ZBTB11: variants seen among roughly 807,000 people sequenced by gnomAD.
ZBTB11 encodes zinc finger and BTB domain containing 11.
Under a neutral mutation model 113.1 loss-of-function variants are expected in ZBTB11, and 68 were observed. The observed-to-expected ratio is 0.60, with a 90% CI of 0.49 to 0.74. The LOEUF (loss-of-function observed/expected upper bound fraction) is 0.74, where lower values mean the gene tolerates loss of function less well. Among genes scored for constraint, ZBTB11 ranks in the 30% least tolerant of loss-of-function variants. The pLI is 0.00. For missense variants in ZBTB11, 1,104 were observed against 1,279.4 expected (o/e 0.86, Z 2.09); for synonymous variants, 518 against 452.6 (o/e 1.14, Z -1.83).
rs55773602 is a variant in ZBTB11, at chr3:101,661,818, T to C, written c.1801-1790A>G. Among the ~76,000 whole-genome samples, 642 of 152,296 alleles carry C rather than the reference T, an allele frequency of 4.2e-3. 7 individuals carry two copies. The highest frequency in any genetic ancestry group is 0.015 in the African/African-American group (616 of 41,560). On this transcript the variant is annotated intron_variant, in intron 5 of 10. Transcript: ENST00000312938. ...TTAAGTTCTGAAATTTTTCTTTATATTGTTTTCCATGTTCTGTTTGAAAAT... is the reference window on the plus strand; with the variant it reads ...TTAAGTTCTGAAATTTTTCTTTATACTGTTTTCCATGTTCTGTTTGAAAAT...
At chr3:101,673,006 G>T (rs1222860530) in intron 1 of ZBTB11, among the ~76,000 whole-genome samples, 1 of 152,140 alleles carries the variant, frequency 6.6e-6, no homozygotes, top group Non-Finnish European at 1.5e-5. Flanking sequence ...AACTTGTAAT[G>T]AAAGTTTAAA....
chr3:101,663,767 G>C (rs1271110174), intron 5 of ZBTB11, among the ~76,000 whole-genome samples: 2 of 152,134 alleles, frequency 1.3e-5, no homozygotes, highest in African/African-American at 4.8e-5. Context: ...GCTCGTGCCT[G>C]TAGTCCCAGC....
At chr3:101,676,530 G>C in intron 1 of ZBTB11, 75 bp downstream of exon 1, 5 of 1,387,366 alleles carry the variant, frequency 3.6e-6, no homozygotes, top group Non-Finnish European at 4.7e-6. Context: ...TCGTGGGTAC[G>C]CATAGGCCTC....
At chr3:101,659,082 TA>T (rs1222271332) in intron 6 of ZBTB11, among the ~76,000 whole-genome samples, 1 of 151,902 alleles carries the variant, frequency 6.6e-6, no homozygotes, top group Non-Finnish European at 1.5e-5. Context: ...CCACAAAATT[TA>T]AAAAAATTAG....
At chr3:101,653,169 C>G (rs1411470036) in intron 8 of ZBTB11, among the ~76,000 whole-genome samples, 1 of 152,160 alleles carries the variant, frequency 6.6e-6, no homozygotes, top group African/African-American at 2.4e-5. Context: ...AAGGTTATTA[C>G]AGAGGAAATT....
chr3:101,671,036 C>T (rs371327871), intron 3 of ZBTB11, 94 bp downstream of exon 3: 3 of 1,041,850 alleles, frequency 2.9e-6, no homozygotes, highest in East Asian at 5.1e-5. Context: ...GCTTCTCTTA[C>T]TTTGGCATAA....
chr3:101,652,417 G>A (rs116753837), intron 10 of ZBTB11, 79 bp downstream of exon 10: 1 of 1,394,906 alleles, frequency 7.2e-7, no homozygotes, highest in Non-Finnish European at 9.8e-7. Context: ...CAAGGAAGGT[G>A]AAAGAGCTGG....
chr3:101,660,524 C>T (rs972840530), intron 5 of ZBTB11, among the ~76,000 whole-genome samples: 3 of 152,164 alleles, frequency 2.0e-5, no homozygotes, highest in African/African-American at 7.2e-5. Flanking sequence ...GTCTCCTGGC[C>T]AACCATCTCC....
chr3:101,663,651 G>A (rs1936930288), intron 5 of ZBTB11, among the ~76,000 whole-genome samples: 1 of 152,162 alleles, frequency 6.6e-6, no homozygotes, highest in African/African-American at 2.4e-5. Context: ...ATACCTTGGG[G>A]AGGCAGAGAC....
chr3:101,651,083 G>T lies in ZBTB11; in HGVS notation c.*83C>A, dbSNP rs1010579989. ...AACTTTGATATGTAAACTCCAAGCA[G>T]ACAGTCACACAGAATTGTAAACAAA... On this transcript the variant is annotated 3_prime_UTR_variant, in exon 11 of 11. Coordinates refer to ENST00000312938, the MANE Select transcript of ZBTB11 (RefSeq NM_014415.4). 3.9e-5 allele frequency: 56 copies of T among 1,440,620 alleles called. No individual in the cohort carries two copies. The highest frequency in any genetic ancestry group is 4.9e-5 in the Non-Finnish European group (53 of 1,085,700). 89.2% of individuals were successfully genotyped at this position (1,440,620 alleles called of 1,614,324 possible). A position where few individuals can be genotyped will look rare whatever the true frequency, so the allele number is the denominator to read the frequency against.
Position 101,671,184 on chromosome 3 carries a change from G to C in ZBTB11, c.724C>G (p.Leu242Val). The C allele has an allele frequency of 6.2e-7, 1 of 1,614,148 alleles. No individual in the cohort carries two copies. Residue 242 changes from leucine (L) to valine (V), a missense_variant, in exon 3 of 11, where the codon CTT (leucine) becomes GTT (valine). This residue lies in a region of ZBTB11 where 86 missense variants were observed against 131.0 expected (regional missense o/e 0.66). Coordinates refer to ENST00000312938, the MANE Select transcript of ZBTB11 (RefSeq NM_014415.4). ...LSANSEYFRD[L>V]FIEKGAVSSH... Reference sequence around the variant, plus strand: ...GAAACAGCTCCTTTCTCAATAAAAAGATCTCGAAAATACTCGCTATTTGCT... The same window carrying C: ...GAAACAGCTCCTTTCTCAATAAAAACATCTCGAAAATACTCGCTATTTGCT...
In ZBTB11 at chr3:101,665,724, A is replaced by G. The variant is rs771079304; in HGVS notation, c.863T>C (p.Val288Ala). 1 of 1,614,220 alleles carries G rather than the reference A, an allele frequency of 6.2e-7. No individual in the cohort carries two copies. The highest frequency in any genetic ancestry group is 8.5e-7 in the Non-Finnish European group (1 of 1,180,040). Residue 288 changes from valine (V) to alanine (A), a missense_variant, in exon 4 of 11, where the codon GTA becomes GCA. This residue lies in a region of ZBTB11 where 86 missense variants were observed against 131.0 expected (regional missense o/e 0.66). Transcript: ENST00000312938. ...GAAAAGATGACGAGCTAAGATGGCTACATCAGCCATGCTACAGAAATCAAA... is the reference window on the plus strand; with the variant it reads ...GAAAAGATGACGAGCTAAGATGGCTGCATCAGCCATGCTACAGAAATCAAA... The part of the protein sequence containing the change: ...LSFDFCSMAD[V>A]AILARHLFMS...
intron 5 of ZBTB11, among the ~76,000 whole-genome samples, chr3:101,663,812 C>T (rs1014828192): frequency 2.0e-5 from 3 of 152,134 alleles, no homozygotes; most frequent in Non-Finnish European, 4.4e-5. Flanking sequence ...ATCACCTGAA[C>T]CTGGGAGATG....
intron 5 of ZBTB11, among the ~76,000 whole-genome samples, chr3:101,661,233 C>CAAA (rs36039635): frequency 9.3e-6 from 1 of 107,246 alleles, no homozygotes; most frequent in African/African-American, 3.2e-5. Context: ...GACCCTGTCT[C>CAAA]AAAAAAAAAA....
intron 5 of ZBTB11, among the ~76,000 whole-genome samples, chr3:101,663,029 T>C (rs529706290): frequency 6.6e-6 from 1 of 151,268 alleles, no homozygotes; most frequent in Non-Finnish European, 1.5e-5. Flanking sequence ...AAGCTCCGCC[T>C]CCCGTGTTCA....
At chr3:101,658,144 C>T (rs190784678) in intron 6 of ZBTB11, among the ~76,000 whole-genome samples, 1 of 152,208 alleles carries the variant, frequency 6.6e-6, no homozygotes, top group Admixed American at 6.5e-5. Context: ...CATGGAATAC[C>T]ACTCAGTCAT....
rs1236845542 is a variant in ZBTB11 at position 101,676,888 on chromosome 3, G to A, written c.27C>T (p.Ala9=). The A allele has an allele frequency of 5.0e-6, 8 of 1,589,534 alleles. 1 individual carries two copies. In the South Asian group the frequency reaches 6.7e-5, roughly 13 times the overall value. The change falls in exon 1 of 11, where the codon GCC becomes GCT. Residue 9 remains alanine, a synonymous_variant. Coordinates refer to ENST00000312938, the MANE Select transcript of ZBTB11 (RefSeq NM_014415.4). MSSEESYR[A]ILRYLTNERE... is the part of the protein sequence containing the mutation. ...GCTCGTTCGTCAGGTAACGCAGGAT[G>A]GCCCGGTAGCTTTCCTCGCTTGACA...
rs1379770089 is a variant in ZBTB11 at position 101,659,890 on chromosome 3, T to G, written c.1939A>C (p.Thr647Pro). Reference sequence around the variant, plus strand: ...ATGGAACATATAAATTCCCGCTTGGTTCTGCCCTTCTCAGATGATGTTCCC... The same window carrying G: ...ATGGAACATATAAATTCCCGCTTGGGTCTGCCCTTCTCAGATGATGTTCCC... ...ASGTSSEKGRTKREFICSICG... is the reference protein window; with the variant it reads ...ASGTSSEKGRPKREFICSICG... The change falls in exon 6 of 11, where the codon ACC becomes CCC. Residue 647 changes from threonine (T) to proline (P), a missense_variant. Around this residue, in one of 5 missense-constraint regions of ZBTB11, gnomAD observed 535 missense variants for 518.6 expected, o/e 1.03. Coordinates refer to ENST00000312938, the MANE Select transcript of ZBTB11 (RefSeq NM_014415.4). 4 of 1,614,082 alleles carry G rather than the reference T, an allele frequency of 2.5e-6. No individual in the cohort carries two copies. The Admixed American group carries it at 6.7e-5, about 27-fold the overall frequency.
chr3:101,671,649 C>G (rs941877975), intron 2 of ZBTB11: 1 of 576,102 alleles, frequency 1.7e-6, no homozygotes, highest in Non-Finnish European at 3.0e-6. Context: ...AAACAAAGAC[C>G]TGGCCAGATT....
Sources: allele counts gnomAD v4.1 joint callset (sites outside exome capture counted in the v4.1 genomes callset), GRCh38; gene constraint gnomAD v4.1.1; regional missense constraint gnomAD v4.1.1; transcripts MANE v1.5; gene names NCBI Gene and HGNC (gene_info 2026-07-23, HGNC 2026-07-21).